The following EFCAB6 variants were observed in gnomAD, a reference collection of about 807,000 sequenced individuals.
The protein encoded by EFCAB6 is EF-hand calcium binding domain 6, also known as EF-hand calcium-binding domain-containing protein 6.
Under a neutral mutation model 169.8 loss-of-function variants are expected in EFCAB6, and 156 were observed. The ratio of observed to expected loss-of-function variants is 0.92; its 90% CI spans 0.81 to 1.05. The LOEUF (loss-of-function observed/expected upper bound fraction) is 1.05, where lower values mean the gene tolerates loss of function less well. EFCAB6 is among the 50% of genes least tolerant of loss of function. The pLI, the probability that EFCAB6 is intolerant of heterozygous loss-of-function variation, is 0.00. For synonymous variants in EFCAB6, 698 were observed against 676.4 expected (o/e 1.03, Z -0.50); for missense variants, 1,800 against 1,829.1 (o/e 0.98, Z 0.29).
rs1569120470 is a variant in EFCAB6 at position 43,537,662 on chromosome 22, G to T, written c.3880-117C>A. 5.1e-6 allele frequency: 6 copies of T among 1,169,166 alleles called. No individual in the cohort carries two copies. The East Asian group carries it at 1.6e-4, about 30-fold the overall frequency. 72.4% of individuals were successfully genotyped at this position (1,169,166 alleles called of 1,614,324 possible). ...CAATTTTAGAGGCAGAATTAGCCCAGAAATAAAATGAAGAATAAAACATAG... is the reference window on the plus strand; with the variant it reads ...CAATTTTAGAGGCAGAATTAGCCCATAAATAAAATGAAGAATAAAACATAG... On this transcript the variant is annotated intron_variant, in intron 28 of 31. Coordinates refer to ENST00000262726, the MANE Select transcript of EFCAB6 (RefSeq NM_022785.4). The surrounding 1 kb of genome is among the most constrained non-coding windows in gnomAD (Gnocchi z 4.3).
intron 3 of EFCAB6, among the ~76,000 whole-genome samples, chr22:43,774,484 C>T (rs2061576013): frequency 6.6e-6 from 1 of 151,808 alleles, no homozygotes; most frequent in Admixed American, 6.6e-5. Context: ...GCGATTCTCC[C>T]CCGACACCCA....
chr22:43,625,075 T>G (rs957579087), intron 20 of EFCAB6, among the ~76,000 whole-genome samples: 3 of 151,522 alleles, frequency 2.0e-5, no homozygotes, highest in African/African-American at 7.2e-5. Context: ...TCATTTTCTT[T>G]CTTGCTTGCT....
At chr22:43,562,529 GGTCAGGGGTGGGAGGGAGGCAGCCCA>G (rs1569161729) in intron 26 of EFCAB6, among the ~76,000 whole-genome samples, 2 of 144,914 alleles carry the variant, frequency 1.4e-5, no homozygotes, top group Non-Finnish European at 3.0e-5. Context: ...GAGGCAGCCC[GGTCAGGGGTGGGAGGGAGGCAGCCCA>G]GTCAGAGGTG....
At chr22:43,758,460 A>G (rs2061036026) in intron 5 of EFCAB6, among the ~76,000 whole-genome samples, 1 of 152,234 alleles carries the variant, frequency 6.6e-6, no homozygotes. Flanking sequence ...ATAACATTTC[A>G]ACATATAAAA....
At chr22:43,638,652 C>G (rs1263158923) in intron 17 of EFCAB6, among the ~76,000 whole-genome samples, 1 of 152,202 alleles carries the variant, frequency 6.6e-6, no homozygotes, top group Non-Finnish European at 1.5e-5. Flanking sequence ...TGTCTCTTTG[C>G]AGCACTTTTT....
intron 10 of EFCAB6, among the ~76,000 whole-genome samples, chr22:43,709,654 T>C (rs2059086704): frequency 6.6e-6 from 1 of 152,186 alleles, no homozygotes; most frequent in African/African-American, 2.4e-5. Context: ...ATTTGTTAGG[T>C]AAGGTGGATG....
chr22:43,765,391 G>C lies in EFCAB6; in HGVS notation c.354C>G (p.Ile118Met). 6.2e-7 allele frequency: 1 copy of C among 1,610,230 alleles called. No homozygotes were observed. The highest frequency in any genetic ancestry group is 8.5e-7 in the Non-Finnish European group (1 of 1,177,344). Residue 118 changes from isoleucine to methionine, a missense_variant and splice_region_variant, in exon 5 of 32, where the codon ATC becomes ATG. Physicochemically the swap from Ile to Met is conservative, Grantham distance 10. Coordinates refer to ENST00000262726, the MANE Select transcript of EFCAB6 (RefSeq NM_022785.4). ...REQFQDVLAQ[I>M]PLSTSGTVPY... ...GTACAGTACCAGAGGTGCTAAGGGGGATCTACAGTCAAGGGAGAAGAATGA... is the reference window on the plus strand; with the variant it reads ...GTACAGTACCAGAGGTGCTAAGGGGCATCTACAGTCAAGGGAGAAGAATGA...
At chr22:43,726,431 A>C (rs1407910914) in intron 8 of EFCAB6, among the ~76,000 whole-genome samples, 1 of 152,222 alleles carries the variant, frequency 6.6e-6, no homozygotes, top group Non-Finnish European at 1.5e-5. Flanking sequence ...ATATAAACAG[A>C]AAACTATCTG....
intron 6 of EFCAB6, among the ~76,000 whole-genome samples, chr22:43,753,908 T>C (rs1050487992): frequency 7.2e-5 from 11 of 152,198 alleles, no homozygotes; most frequent in African/African-American, 2.7e-4. Context: ...CATTCTTTCA[T>C]TCCCAAACTG....
At chr22:43,613,935 T>C (rs2053504608) in intron 21 of EFCAB6, among the ~76,000 whole-genome samples, 2 of 152,090 alleles carry the variant, frequency 1.3e-5, no homozygotes. Context: ...CAAACCAGCC[T>C]GGTCTTATTT....
intron 10 of EFCAB6, among the ~76,000 whole-genome samples, chr22:43,697,321 T>C (rs1426306768): frequency 1.3e-5 from 2 of 152,180 alleles, no homozygotes; most frequent in Non-Finnish European, 2.9e-5. Flanking sequence ...TTTAATGACA[T>C]GAAAAATGCT....
At chr22:43,693,069 A>G (rs928127803) in intron 10 of EFCAB6, among the ~76,000 whole-genome samples, 1 of 152,190 alleles carries the variant, frequency 6.6e-6, no homozygotes, top group African/African-American at 2.4e-5. Flanking sequence ...AGAAGTGGAA[A>G]GATGTGGAAC....
At chr22:43,546,645 C>G (rs1399792332) in intron 27 of EFCAB6, among the ~76,000 whole-genome samples, 3 of 152,002 alleles carry the variant, frequency 2.0e-5, no homozygotes, top group African/African-American at 7.3e-5. Flanking sequence ...CCAAGATGGG[C>G]AGATCACCTG....
chr22:43,673,471 G>A (rs1050837327), intron 13 of EFCAB6, among the ~76,000 whole-genome samples: 1 of 152,118 alleles, frequency 6.6e-6, no homozygotes, highest in Non-Finnish European at 1.5e-5. Flanking sequence ...CAGTTATTTA[G>A]TATATTTTAA....
intron 17 of EFCAB6, among the ~76,000 whole-genome samples, chr22:43,654,847 A>C (rs1972692842): frequency 6.6e-6 from 1 of 152,262 alleles, no homozygotes; most frequent in Non-Finnish European, 1.5e-5. Flanking sequence ...CAGAATTTAA[A>C]AATGAGTCCA....
chr22:43,638,821 T>C (rs1045665911), intron 17 of EFCAB6, among the ~76,000 whole-genome samples: 1 of 151,792 alleles, frequency 6.6e-6, no homozygotes, highest in East Asian at 1.9e-4. Flanking sequence ...GTTTCGCTCT[T>C]GTTGCCCAGG....
chr22:43,614,004 T>A (rs1461807712), intron 21 of EFCAB6, among the ~76,000 whole-genome samples: 1 of 151,726 alleles, frequency 6.6e-6, no homozygotes, highest in Admixed American at 6.6e-5. Context: ...TGACGAGAAA[T>A]GTTTAATGTT....
At chr22:43,769,239 A>G (rs1223259794) in intron 4 of EFCAB6, among the ~76,000 whole-genome samples, 4 of 152,246 alleles carry the variant, frequency 2.6e-5, no homozygotes, top group Non-Finnish European at 4.4e-5. Context: ...ACAAAAGATC[A>G]TATCTTGTAT....
At position 43,744,417 on chromosome 22, in the gene EFCAB6, GACAGAC is replaced by G. The variant is rs1180057863; in HGVS notation, c.508-8430_508-8425del. Among the ~76,000 whole-genome samples, 1 of 152,204 alleles carries G rather than the reference GACAGAC, an allele frequency of 6.6e-6. No homozygotes were observed. Among genetic ancestry groups the G allele is most frequent in the Non-Finnish European group, 1.5e-5 (1 of 68,044 alleles). ...ACCTGGGAAGAGGAACTGAGACTCA[GACAGAC>G]ACAGCAGAGCAAGGCAGAAGCAGCA... On this transcript the variant is annotated intron_variant, in intron 6 of 31. Transcript: ENST00000262726. This position sits in a 1 kb window ranked among gnomAD's most constrained non-coding sequence, Gnocchi z 4.3.
Sources: allele counts gnomAD v4.1 joint callset (sites outside exome capture counted in the v4.1 genomes callset), GRCh38; gene constraint gnomAD v4.1.1; non-coding constraint Gnocchi (gnomAD v3.1); transcripts MANE v1.5; gene names NCBI Gene and HGNC (gene_info 2026-07-23, HGNC 2026-07-21).